Variants in LRMDA observed in about 807,000 individuals in gnomAD.
LRMDA encodes leucine rich melanocyte differentiation associated, also known as leucine-rich melanocyte differentiation-associated protein.
A neutral mutation model predicts 29.8 loss-of-function variants in LRMDA; 18 were observed. The observed-to-expected ratio is 0.60, with a 90% CI of 0.42 to 0.90. The LOEUF is 0.90. Among genes scored for constraint, LRMDA ranks in the 40% least tolerant of loss-of-function variants. The pLI, the probability that LRMDA is intolerant of heterozygous loss-of-function variation, is 0.00. For synonymous variants in LRMDA, 125 were observed against 109.4 expected, an observed-to-expected ratio of 1.14 and a Z score of -0.89; for missense variants, 273 against 273.9, an observed-to-expected ratio of 1.00 and a Z score of 0.02.
At chr10:76,387,524 G>C (rs1032151418) in intron 6 of LRMDA, among the ~76,000 whole-genome samples, 1 of 151,784 alleles carries the variant, frequency 6.6e-6, no homozygotes, top group African/African-American at 2.4e-5. Flanking sequence ...GCTAGATTGA[G>C]ACCAGGAGGT....
intron 2 of LRMDA, among the ~76,000 whole-genome samples, chr10:76,032,673 G>A (rs953955875): frequency 2.6e-5 from 4 of 152,132 alleles, no homozygotes; most frequent in Non-Finnish European, 5.9e-5. Context: ...GTTGCTGCTG[G>A]TGGAGGGGGA....
chr10:75,913,799 C>T (rs1394572656), intron 2 of LRMDA, among the ~76,000 whole-genome samples: 2 of 152,204 alleles, frequency 1.3e-5, no homozygotes, highest in Admixed American at 6.5e-5. Flanking sequence ...AGCAAGGGGA[C>T]AGGAGAACGT....
intron 6 of LRMDA, among the ~76,000 whole-genome samples, chr10:76,458,967 C>A (rs1364567854): frequency 6.6e-6 from 1 of 152,084 alleles, no homozygotes; most frequent in Non-Finnish European, 1.5e-5. Context: ...GACAAAATAG[C>A]ACTAAGAAAT....
intron 5 of LRMDA, among the ~76,000 whole-genome samples, chr10:76,158,144 A>G (rs1388317441): frequency 1.3e-5 from 2 of 152,104 alleles, no homozygotes; most frequent in African/African-American, 4.8e-5. Flanking sequence ...ATCATAGACT[A>G]TCTATAACTT....
At chr10:76,412,905 T>G (rs1004662958) in intron 6 of LRMDA, among the ~76,000 whole-genome samples, 7 of 152,116 alleles carry the variant, frequency 4.6e-5, no homozygotes, top group African/African-American at 1.7e-4. Flanking sequence ...CTGCTCTCCC[T>G]TCCTTCTCCA....
intron 4 of LRMDA, among the ~76,000 whole-genome samples, chr10:76,054,840 G>A (rs1043897958): frequency 5.3e-5 from 8 of 151,478 alleles, no homozygotes; most frequent in African/African-American, 1.9e-4. Context: ...CCAGCAGATG[G>A]ATCACTTGAG....
intron 2 of LRMDA, among the ~76,000 whole-genome samples, chr10:75,627,870 A>G (rs1418807130): frequency 6.6e-6 from 1 of 152,212 alleles, no homozygotes; most frequent in Non-Finnish European, 1.5e-5. Flanking sequence ...CTTTGTAAAT[A>G]TGTATCTTTT....
intron 2 of LRMDA, among the ~76,000 whole-genome samples, chr10:75,498,711 A>G (rs1564786447): frequency 6.6e-6 from 1 of 152,212 alleles, no homozygotes; most frequent in East Asian, 1.9e-4. Flanking sequence ...TGGGTACACC[A>G]TAATAGCCTG....
At chr10:76,136,311 G>A (rs1023136976) in intron 5 of LRMDA, among the ~76,000 whole-genome samples, 37 of 152,174 alleles carry the variant, frequency 2.4e-4, no homozygotes, top group African/African-American at 8.4e-4. Context: ...ACTTTAGAGA[G>A]AAGAATTCCC....
chr10:75,994,016 C>G (rs1413022276), intron 2 of LRMDA, among the ~76,000 whole-genome samples: 1 of 152,206 alleles, frequency 6.6e-6, no homozygotes, highest in Non-Finnish European at 1.5e-5. Context: ...ATCTACCTGC[C>G]TGCTCCACAG....
intron 2 of LRMDA, among the ~76,000 whole-genome samples, chr10:75,601,505 A>G (rs934554882): frequency 6.6e-6 from 1 of 152,096 alleles, no homozygotes; most frequent in Non-Finnish European, 1.5e-5. Context: ...TGCCTTCCCC[A>G]GGGAAAAGAG....
chr10:76,226,210 G>A (rs1211218125), intron 5 of LRMDA, among the ~76,000 whole-genome samples: 1 of 152,128 alleles, frequency 6.6e-6, no homozygotes, highest in Non-Finnish European at 1.5e-5. Context: ...CATAGTGGAA[G>A]GGAAAGCAAA....
chr10:75,482,817 A>G (rs1220717034), intron 2 of LRMDA, among the ~76,000 whole-genome samples: 1 of 152,248 alleles, frequency 6.6e-6, no homozygotes, highest in African/African-American at 2.4e-5. Flanking sequence ...GTAATTTACA[A>G]AAGAAATTTT....
intron 3 of LRMDA, among the ~76,000 whole-genome samples, chr10:76,043,662 C>G (rs188066693): frequency 1.4e-4 from 22 of 152,282 alleles, no homozygotes; most frequent in African/African-American, 4.8e-4. Flanking sequence ...GCTTTATTAG[C>G]TCCATGGTAG....
intron 2 of LRMDA, among the ~76,000 whole-genome samples, chr10:75,781,012 C>G (rs1164554550): frequency 6.6e-6 from 1 of 152,206 alleles, no homozygotes; most frequent in Admixed American, 6.5e-5. Flanking sequence ...CTGTCTTGAG[C>G]CTCCATGCCT....
intron 2 of LRMDA, among the ~76,000 whole-genome samples, chr10:75,998,142 A>G (rs1324999801): frequency 6.6e-6 from 1 of 152,214 alleles, no homozygotes; most frequent in African/African-American, 2.4e-5. Flanking sequence ...CTGTGGAAGA[A>G]TCAGAAGTGT....
At chr10:75,795,371 C>T (rs751408087) in intron 2 of LRMDA, among the ~76,000 whole-genome samples, 38 of 150,504 alleles carry the variant, frequency 2.5e-4, no homozygotes, top group Non-Finnish European at 4.6e-4. Flanking sequence ...CCAGCATGGG[C>T]GACAGAGCAA....
At chr10:76,416,786 C>G (rs1842019730) in intron 6 of LRMDA, among the ~76,000 whole-genome samples, 1 of 152,194 alleles carries the variant, frequency 6.6e-6, no homozygotes, top group Non-Finnish European at 1.5e-5. Flanking sequence ...CTTCATCTCC[C>G]CAGTGCTCAC....
At chr10:76,247,486 T>C (rs1852397607) in intron 5 of LRMDA, among the ~76,000 whole-genome samples, 1 of 152,196 alleles carries the variant, frequency 6.6e-6, no homozygotes, top group Non-Finnish European at 1.5e-5. Context: ...AAAATAATTA[T>C]AGATCCTTTT....
Sources: gnomAD v4.1 joint callset for allele counts (sites outside exome capture counted in the v4.1 genomes callset) on GRCh38, gnomAD v4.1.1 for gene constraint, MANE v1.5 for transcripts, NCBI Gene and HGNC (gene_info 2026-07-23, HGNC 2026-07-21) for gene names.